The following IL5RA variants were observed in gnomAD, a reference collection of about 807,000 sequenced individuals.
IL5RA encodes the protein interleukin-5 receptor subunit alpha.
In IL5RA, 49 loss-of-function variants were observed where a neutral mutation model predicts 50.0. The ratio of observed to expected loss-of-function variants is 0.98; its 90% CI spans 0.78 to 1.24. The LOEUF is 1.24. Among genes scored for constraint, IL5RA ranks in the 50% most tolerant of loss-of-function variants. The pLI, the probability that IL5RA is intolerant of heterozygous loss-of-function variation, is 0.00. For synonymous variants in IL5RA, 202 were observed against 174.0 expected (o/e 1.16, Z -1.26); for missense variants, 600 against 500.4 (o/e 1.20, Z -1.90).
At chr3:3,089,931 G>A (rs1166464753) in intron 9 of IL5RA, 1 of 298,840 alleles carries the variant, frequency 3.3e-6, no homozygotes, top group African/African-American at 2.2e-5. Context: ...TCTTAAATAA[G>A]ACTTTAATCT....
chr3:3,067,352 A>G lies in IL5RA; in HGVS notation c.*2873T>C, dbSNP rs1702161427. On this transcript the variant is annotated 3_prime_UTR_variant, in exon 12 of 12. Coordinates refer to ENST00000446632, the MANE Select transcript of IL5RA (RefSeq NM_175726.4). ...TCTCTGCCAAATACTGTTCAGTCTA[A>G]CCTATATACAAGGTGCCGTATCAGG... 6.6e-6 allele frequency: 1 copy of G among 152,146 alleles called. No individual in the cohort carries two copies. The allele number at this position is 152,146 out of a possible 1,614,324, so 9.4% of individuals were successfully genotyped here.
At chr3:3,108,105 A>C (rs1186785159) in intron 2 of IL5RA, among the ~76,000 whole-genome samples, 1 of 152,174 alleles carries the variant, frequency 6.6e-6, no homozygotes, top group Non-Finnish European at 1.5e-5. Flanking sequence ...GTAGGCTTTT[A>C]AATATGAAGA....
chr3:3,092,228 A>C lies in IL5RA; in HGVS notation c.990T>G (p.Tyr330Ter). ...GLWSEWSQPI[Y>*]VGNDEHKPLR... ...AAATAAACATAAGCTACTTACCCAC[A>C]TAAATAGGTTGGCTCCACTCACTCC... is the stretch of plus-strand genomic sequence containing the variant. Residue 330 changes from tyrosine to a stop codon, truncating the protein, a stop_gained, in exon 9 of 12, where the codon TAT (tyrosine) becomes TAG (stop). Coordinates refer to ENST00000446632, the MANE Select transcript of IL5RA (RefSeq NM_175726.4). LOFTEE classifies it high-confidence loss of function. The surrounding 1 kb of genome is among the most constrained non-coding windows in gnomAD (Gnocchi z 4.2). The C allele has an allele frequency of 6.2e-7, 1 of 1,613,156 alleles. No individual in the cohort carries two copies. The highest frequency in any genetic ancestry group is 8.5e-7 in the Non-Finnish European group (1 of 1,179,794).
At chr3:3,096,803 A>G (rs1460257546) in intron 7 of IL5RA, among the ~76,000 whole-genome samples, 1 of 152,250 alleles carries the variant, frequency 6.6e-6, no homozygotes, top group African/African-American at 2.4e-5. Flanking sequence ...ATTCCATTGG[A>G]TATAGATATG....
intron 9 of IL5RA, among the ~76,000 whole-genome samples, chr3:3,080,822 G>A (rs950679441): frequency 3.3e-5 from 5 of 152,148 alleles, no homozygotes; most frequent in Non-Finnish European, 7.3e-5. Flanking sequence ...AGCCTCCGAA[G>A]TAGCTGGGAC....
At chr3:3,074,131 GT>G (rs1379129336) in intron 11 of IL5RA, among the ~76,000 whole-genome samples, 2 of 152,216 alleles carry the variant, frequency 1.3e-5, no homozygotes, top group African/African-American at 4.8e-5. Flanking sequence ...GCTCTGAATG[GT>G]GAACAGGCCT....
chr3:3,091,192 A>G (rs916612593), intron 9 of IL5RA, among the ~76,000 whole-genome samples: 2 of 152,212 alleles, frequency 1.3e-5, no homozygotes, highest in Non-Finnish European at 2.9e-5. Flanking sequence ...CCTATAGATT[A>G]CACAGTTTTG....
intron 10 of IL5RA, among the ~76,000 whole-genome samples, chr3:3,076,069 T>C (rs183889075): frequency 7.9e-5 from 12 of 152,226 alleles, no homozygotes; most frequent in African/African-American, 2.6e-4. Flanking sequence ...CTAGAATCCG[T>C]GTTTGACCTA....
chr3:3,100,095 G>A (rs969230676), intron 5 of IL5RA, among the ~76,000 whole-genome samples: 2 of 152,178 alleles, frequency 1.3e-5, no homozygotes, highest in Non-Finnish European at 2.9e-5. Context: ...AAAATACACT[G>A]TGGGAAACAC....
rs1421705860 is a variant in IL5RA at position 3,067,163 on chromosome 3, A to G, written c.*3062T>C. On this transcript the variant is annotated 3_prime_UTR_variant, in exon 12 of 12. Coordinates refer to ENST00000446632, the MANE Select transcript of IL5RA (RefSeq NM_175726.4). Reference sequence around the variant, plus strand: ...GTGAGCCACTTCTGAAATGCCTCTTACACAGCAATTTATACATAACCATTT... The same window carrying G: ...GTGAGCCACTTCTGAAATGCCTCTTGCACAGCAATTTATACATAACCATTT... 1 of 152,260 alleles carries G rather than the reference A, an allele frequency of 6.6e-6. No homozygotes were observed. Among genetic ancestry groups the G allele is most frequent in the Non-Finnish European group, 1.5e-5 (1 of 68,056 alleles). 9.4% of individuals were successfully genotyped at this position (152,260 alleles called of 1,614,324 possible). A position where few individuals can be genotyped will look rare whatever the true frequency, so the allele number is the denominator to read the frequency against.
chr3:3,101,592 GTGAC>G, intron 5 of IL5RA, 96 bp downstream of exon 5: 2 of 1,205,448 alleles, frequency 1.7e-6, no homozygotes, highest in Non-Finnish European at 2.4e-6. Flanking sequence ...AGAAGAACGG[GTGAC>G]TGACTAAAGA....
chr3:3,077,402 T>C (rs888097397), intron 9 of IL5RA, among the ~76,000 whole-genome samples: 2 of 152,238 alleles, frequency 1.3e-5, no homozygotes, highest in African/African-American at 4.8e-5. Flanking sequence ...GCTGCACCCA[T>C]TAACTCTTCT....
chr3:3,101,796 G>A lies in IL5RA; in HGVS notation c.263C>T (p.Thr88Ile), dbSNP rs750003972. The A allele has an allele frequency of 6.2e-6, 10 of 1,613,820 alleles. No individual in the cohort carries two copies. The Admixed American group carries it at 1.2e-4, about 19-fold the overall frequency. Residue 88 changes from threonine to isoleucine, a missense_variant, in exon 5 of 12, where the codon ACC becomes ATC. Transcript: ENST00000446632. ...TGCTGAAAAGCCTTTGTGGAGGATG[G>A]TTACACATTTGCTTTCAGTGATTCT... Reference protein sequence around the residue: ...ETRITESKCVTILHKGFSASV... With the variant: ...ETRITESKCVIILHKGFSASV...
chr3:3,070,281 C>A lies in IL5RA; in HGVS notation c.1207G>T (p.Val403Phe), dbSNP rs1422441760. 1 of 1,613,130 alleles carries A rather than the reference C, an allele frequency of 6.2e-7. No homozygotes were observed. The highest frequency in any genetic ancestry group is 8.5e-7 in the Non-Finnish European group (1 of 1,179,416). ...CCAGGCTTCTCTATATAACAGATGACTTCAATTTCCGTCTCACTGGACCCA... is the reference window on the plus strand; with the variant it reads ...CCAGGCTTCTCTATATAACAGATGAATTCAATTTCCGTCTCACTGGACCCA... ...KAGSSETEIE[V>F]ICYIEKPGVE... The change falls in exon 12 of 12, where the codon GTC becomes TTC. Residue 403 changes from valine to phenylalanine, a missense_variant. Val to Phe is a conservative substitution (Grantham distance 50). Coordinates refer to ENST00000446632, the MANE Select transcript of IL5RA (RefSeq NM_175726.4).
intron 8 of IL5RA, among the ~76,000 whole-genome samples, chr3:3,093,482 C>A (rs1703223568): frequency 6.6e-6 from 1 of 152,174 alleles, no homozygotes; most frequent in Admixed American, 6.5e-5. Flanking sequence ...TTTTTTCTAG[C>A]AGATCATTTT....
At chr3:3,101,018 A>G (rs1403578353) in intron 5 of IL5RA, among the ~76,000 whole-genome samples, 1 of 129,736 alleles carries the variant, frequency 7.7e-6, no homozygotes, top group African/African-American at 2.8e-5. Flanking sequence ...AATAATAATA[A>G]TAATACAAAA....
chr3:3,075,880 G>C (rs1255901382), intron 10 of IL5RA, among the ~76,000 whole-genome samples: 4 of 152,308 alleles, frequency 2.6e-5, no homozygotes, highest in African/African-American at 9.6e-5. Context: ...GATTACAGGA[G>C]TGAGCCCCCA....
chr3:3,087,562 G>C (rs1313136204), intron 9 of IL5RA, among the ~76,000 whole-genome samples: 1 of 151,818 alleles, frequency 6.6e-6, no homozygotes, highest in African/African-American at 2.4e-5. Context: ...TATATTAATA[G>C]CCACTTCTTG....
rs1702247992 is a variant in IL5RA at position 3,070,119 on chromosome 3, T to A, written c.*106A>T. The A allele has an allele frequency of 1.1e-5, 8 of 700,930 alleles. No homozygotes were observed. Among genetic ancestry groups the A allele is most frequent in the African/African-American group, 3.7e-5 (2 of 54,722 alleles). The allele number at this position is 700,930 out of a possible 1,614,324, so 43.4% of individuals were successfully genotyped here. On this transcript the variant is annotated 3_prime_UTR_variant, in exon 12 of 12. Coordinates refer to ENST00000446632, the MANE Select transcript of IL5RA (RefSeq NM_175726.4). Reference sequence around the variant, plus strand: ...TGTATTGCTTCGCAGGTAAATTGAGTGTTGCCTAAATTCTGAACACCTCTT... The same window carrying A: ...TGTATTGCTTCGCAGGTAAATTGAGAGTTGCCTAAATTCTGAACACCTCTT...
Sources: gnomAD v4.1 joint callset for allele counts (sites outside exome capture counted in the v4.1 genomes callset) on GRCh38, gnomAD v4.1.1 for gene constraint, Gnocchi (gnomAD v3.1) non-coding constraint, MANE v1.5 for transcripts, NCBI Gene and HGNC (gene_info 2026-07-23, HGNC 2026-07-21) for gene names.